Variants in AKAP12 observed in about 807,000 individuals in gnomAD.
AKAP12 encodes A-kinase anchoring protein 12.
AKAP12 carries 32 observed loss-of-function variants against 79.9 expected under a neutral mutation model. The ratio of observed to expected loss-of-function variants is 0.40; its 90% CI spans 0.30 to 0.54. The LOEUF is 0.54. Among genes scored for constraint, AKAP12 ranks in the 20% least tolerant of loss-of-function variants. The pLI, the probability that AKAP12 is intolerant of heterozygous loss-of-function variation, is 0.48. For missense variants in AKAP12, 2,074 were observed against 2,177.0 expected (o/e 0.95, Z 0.94); for synonymous variants, 808 against 857.0 (o/e 0.94, Z 1.00).
At chr6:151,251,609 T>C (rs1229188359) in intron 2 of AKAP12, among the ~76,000 whole-genome samples, 1 of 152,232 alleles carries the variant, frequency 6.6e-6, no homozygotes, top group Non-Finnish European at 1.5e-5. Context: ...AGTTATCTAC[T>C]GGTGTGTAAC....
At chr6:151,319,561 T>C (rs556894502) in intron 3 of AKAP12, 3 of 93,906 alleles carry the variant, frequency 3.2e-5, no homozygotes, top group Non-Finnish European at 6.5e-5. Context: ...TATATATCTA[T>C]ATAGAGATAT....
intron 2 of AKAP12, among the ~76,000 whole-genome samples, chr6:151,260,053 G>T (rs1017941748): frequency 1.3e-5 from 2 of 152,114 alleles, no homozygotes; most frequent in Non-Finnish European, 2.9e-5. Context: ...GTTGAAACTT[G>T]TAGAGAATCA....
At chr6:151,314,034 T>G (rs925361884) in intron 3 of AKAP12, among the ~76,000 whole-genome samples, 1 of 151,724 alleles carries the variant, frequency 6.6e-6, no homozygotes, top group African/African-American at 2.4e-5. Flanking sequence ...TTCTAATTTT[T>G]TTTTTTTTTT....
chr6:151,332,594 C>T (rs1340613621), intron 3 of AKAP12, among the ~76,000 whole-genome samples: 1 of 152,140 alleles, frequency 6.6e-6, no homozygotes, highest in Non-Finnish European at 1.5e-5. Context: ...TGTTGTTTCA[C>T]TAATGGTTGA....
At chr6:151,304,488 C>CAAAAAAAAAA (rs1157088954) in intron 2 of AKAP12, among the ~76,000 whole-genome samples, 557 of 45,962 alleles carry the variant, frequency 0.012, 85 homozygotes, top group East Asian at 0.024. Flanking sequence ...CACTCCATCT[C>CAAAAAAAAAA]AAAAAAAAAA....
intron 2 of AKAP12, among the ~76,000 whole-genome samples, chr6:151,259,511 T>TATACAC (rs1554320026): frequency 2.0e-5 from 2 of 101,102 alleles, no homozygotes; most frequent in East Asian, 2.6e-4. Context: ...TATATATATA[T>TATACAC]ACACACACAC....
In AKAP12 at chr6:151,325,650, T is replaced by C; in HGVS notation, c.319+19747T>C. The C allele has an allele frequency of 3.6e-6, 5 of 1,401,808 alleles. No individual in the cohort carries two copies. The South Asian group carries it at 4.8e-5, about 13-fold the overall frequency. 86.8% of individuals were successfully genotyped at this position (1,401,808 alleles called of 1,614,324 possible). ...GCGTGGGTGGGGGTCCGCCTATAAT[T>C]ATCTGGGGAAATGCATCCGCGCTCT... On this transcript the variant is annotated intron_variant, in intron 3 of 4. Transcript: ENST00000402676.
At chr6:151,248,986 CA>C (rs34092565) in intron 2 of AKAP12, among the ~76,000 whole-genome samples, 222 of 133,600 alleles carry the variant, frequency 1.7e-3, no homozygotes, top group African/African-American at 3.9e-3. Flanking sequence ...GACTCTGTCT[CA>C]AAAAAAAAAA....
intron 2 of AKAP12, among the ~76,000 whole-genome samples, chr6:151,290,026 G>A (rs1357676061): frequency 1.3e-5 from 2 of 152,190 alleles, no homozygotes; most frequent in Non-Finnish European, 2.9e-5. Context: ...TAACGCATCC[G>A]ATGGGACGAG....
intron 3 of AKAP12, chr6:151,325,674 C>T: frequency 7.0e-7 from 1 of 1,424,240 alleles, no homozygotes; most frequent in Non-Finnish European, 9.2e-7. Context: ...CATCCGCGCT[C>T]TGCTTTTCGC....
At position 151,240,727 on chromosome 6, in the gene AKAP12, ACGGGCGTGC is replaced by A. The variant is rs1395509581; in HGVS notation, c.162+9_162+17del. The A allele has an allele frequency of 9.7e-7, 1 of 1,033,766 alleles. No homozygotes were observed. The highest frequency in any genetic ancestry group is 1.2e-6 in the Non-Finnish European group (1 of 863,306). The allele number at this position is 1,033,766 out of a possible 1,614,324, so 64.0% of individuals were successfully genotyped here. A position where few individuals can be genotyped will look rare whatever the true frequency, so the allele number is the denominator to read the frequency against. ...CTGCCTCGGACCCCGCCACCAAGGTACGGGCGTGCCGGGCCACCTGCGCCGGGAGGCGCG... is the reference window on the plus strand; with the variant it reads ...CTGCCTCGGACCCCGCCACCAAGGTACGGGCCACCTGCGCCGGGAGGCGCG... On this transcript the variant is annotated splice_donor_5th_base_variant and intron_variant, in intron 2 of 4. Coordinates refer to ENST00000402676, the MANE Select transcript of AKAP12 (RefSeq NM_005100.4).
In AKAP12 at chr6:151,350,563, G is replaced by T; in HGVS notation, c.2172G>T (p.Gly724=). 1.9e-6 allele frequency: 3 copies of T among 1,614,160 alleles called. No homozygotes were observed. Among genetic ancestry groups the T allele is most frequent in the Non-Finnish European group, 8.5e-7 (1 of 1,180,032 alleles). The change falls in exon 4 of 5, where the codon GGG becomes GGT. Residue 724 remains glycine (G), a synonymous_variant. Transcript: ENST00000402676. This position sits in a 1 kb window ranked among gnomAD's most constrained non-coding sequence, Gnocchi z 4.8. ...AGGCCGGAAAAGACAAAGAGACGGG[G>T]ACAGACGGGATCCTTGCTGGTTCCC... ...ADEAGKDKET[G]TDGILAGSQE...
intron 2 of AKAP12, among the ~76,000 whole-genome samples, chr6:151,252,305 C>T (rs1334706292): frequency 6.6e-6 from 1 of 151,860 alleles, no homozygotes. Context: ...TCAAGATTCT[C>T]ATGCCTCAGC....
chr6:151,255,585 C>T (rs577140822), intron 2 of AKAP12, among the ~76,000 whole-genome samples: 4 of 152,032 alleles, frequency 2.6e-5, no homozygotes, highest in Admixed American at 2.6e-4. Context: ...GTCACTCAAG[C>T]CCAGGAGTTA....
At chr6:151,335,585 C>T (rs890690663) in intron 3 of AKAP12, among the ~76,000 whole-genome samples, 5 of 152,202 alleles carry the variant, frequency 3.3e-5, no homozygotes, top group African/African-American at 1.2e-4. Context: ...AATCCTCCTG[C>T]CTCAGCCTCT....
intron 2 of AKAP12, among the ~76,000 whole-genome samples, chr6:151,288,570 C>T (rs1776553325): frequency 6.6e-6 from 1 of 152,094 alleles, no homozygotes; most frequent in Non-Finnish European, 1.5e-5. Flanking sequence ...ACTTTCCAAA[C>T]AATAGGTGCT....
At chr6:151,300,416 C>G (rs553716156) in intron 2 of AKAP12, among the ~76,000 whole-genome samples, 1 of 152,278 alleles carries the variant, frequency 6.6e-6, no homozygotes, top group Admixed American at 6.5e-5. Flanking sequence ...GGATGTAGAT[C>G]TGGGAGTATC....
chr6:151,347,300 G>A (rs1778126097), intron 3 of AKAP12, among the ~76,000 whole-genome samples: 1 of 152,242 alleles, frequency 6.6e-6, no homozygotes, highest in South Asian at 2.1e-4. Flanking sequence ...GGGACCTGTT[G>A]AGGTCGGACT....
chr6:151,267,711 A>G (rs1776078027), intron 2 of AKAP12, among the ~76,000 whole-genome samples: 1 of 152,208 alleles, frequency 6.6e-6, no homozygotes, highest in Non-Finnish European at 1.5e-5. Flanking sequence ...TTCAGGACCT[A>G]TTACATTTCT....
Sources: allele counts gnomAD v4.1 joint callset (sites outside exome capture counted in the v4.1 genomes callset), GRCh38; gene constraint gnomAD v4.1.1; non-coding constraint Gnocchi (gnomAD v3.1); transcripts MANE v1.5; gene names NCBI Gene and HGNC (gene_info 2026-07-23, HGNC 2026-07-21).